The following PADI1 variants were observed in gnomAD, a reference collection of about 807,000 sequenced individuals.
The protein encoded by PADI1 is peptidyl arginine deiminase 1, also known as protein-arginine deiminase type-1.
In PADI1, 65 loss-of-function variants were observed where a neutral mutation model predicts 74.8. That is an observed-to-expected ratio of 0.87 (90% CI 0.71 to 1.07). PADI1 has a LOEUF of 1.07. Among genes scored for constraint, PADI1 ranks in the 50% least tolerant of loss-of-function variants. The pLI, the probability that PADI1 is intolerant of heterozygous loss-of-function variation, is 0.00. For synonymous variants in PADI1, 371 were observed against 336.2 expected (o/e 1.10, Z -1.13); for missense variants, 943 against 854.0 (o/e 1.10, Z -1.30).
Position 17,228,941 on chromosome 1 carries a change from C to A in PADI1, c.826-7C>A, listed in dbSNP as rs1281307599. 1.3e-6 allele frequency: 2 copies of A among 1,592,688 alleles called. No individual in the cohort carries two copies. Among genetic ancestry groups the A allele is most frequent in the South Asian group, 2.2e-5 (2 of 89,544 alleles). On this transcript the variant is annotated splice_polypyrimidine_tract_variant and splice_region_variant and intron_variant, in intron 7 of 15. Transcript: ENST00000375471. ...CAGGGCCCACCAAGTCCTCATTTTCCCCTCAGACCCTGCCCGAGGTGACCC... is the reference window on the plus strand; with the variant it reads ...CAGGGCCCACCAAGTCCTCATTTTCACCTCAGACCCTGCCCGAGGTGACCC...
chr1:17,237,930 T>C (rs1475420579), intron 12 of PADI1, among the ~76,000 whole-genome samples: 3 of 152,214 alleles, frequency 2.0e-5, no homozygotes, highest in Non-Finnish European at 4.4e-5. Context: ...TGGGAAGGCA[T>C]GGCCAGGGAG....
intron 3 of PADI1, among the ~76,000 whole-genome samples, chr1:17,224,000 GC>G (rs2072239345): frequency 6.6e-6 from 1 of 152,234 alleles, no homozygotes; most frequent in Admixed American, 6.5e-5. Flanking sequence ...CACGGAACGT[GC>G]CCCCTTCAGC....
chr1:17,244,789 CCCTT>C lies in PADI1; in HGVS notation c.*548_*551del, dbSNP rs2072851016. 3.3e-6 allele frequency: 1 copy of C among 299,900 alleles called. No individual in the cohort carries two copies. Among genetic ancestry groups the C allele is most frequent in the Non-Finnish European group, 6.6e-6 (1 of 152,574 alleles). 18.6% of individuals were successfully genotyped at this position (299,900 alleles called of 1,614,324 possible). A position where few individuals can be genotyped will look rare whatever the true frequency, so the allele number is the denominator to read the frequency against. On this transcript the variant is annotated 3_prime_UTR_variant, in exon 16 of 16. Coordinates refer to ENST00000375471, the MANE Select transcript of PADI1 (RefSeq NM_013358.3). ...CACTTACCTCCACCCCCATCCAGCACCCTTCAGCTGTGTGTGGACAAACAAGGAC... is the reference window on the plus strand; with the variant it reads ...CACTTACCTCCACCCCCATCCAGCACCAGCTGTGTGTGGACAAACAAGGAC...
intron 11 of PADI1, among the ~76,000 whole-genome samples, chr1:17,234,435 T>G (rs1447030305): frequency 6.6e-6 from 1 of 152,240 alleles, no homozygotes; most frequent in Non-Finnish European, 1.5e-5. Flanking sequence ...ATTTTTCATT[T>G]GGCCCCAGTA....
intron 1 of PADI1, among the ~76,000 whole-genome samples, chr1:17,212,437 C>T (rs1343826210): frequency 3.3e-5 from 5 of 151,772 alleles, no homozygotes; most frequent in African/African-American, 1.2e-4. Context: ...TGGCCCCCAC[C>T]CCCACCCACT....
rs959326902 is a variant in PADI1, at chr1:17,229,078, C to A, written c.929+27C>A. 4.2e-6 allele frequency: 6 copies of A among 1,422,188 alleles called. No homozygotes were observed. In the African/African-American group the frequency reaches 5.6e-5, roughly 13 times the overall value. The allele number at this position is 1,422,188 out of a possible 1,614,324, so 88.1% of individuals were successfully genotyped here. On this transcript the variant is annotated intron_variant, in intron 8 of 15. Transcript: ENST00000375471. ...TGAGGCTCCCTCCCTCCAGCCCTCC[C>A]CCAAGTCTGGAGTGCAGAGGTAGGG...
At chr1:17,224,475 CT>C in intron 4 of PADI1, 47 bp downstream of exon 4, 1 of 1,455,294 alleles carries the variant, frequency 6.9e-7, no homozygotes, top group Non-Finnish European at 9.6e-7. Flanking sequence ...GAAAGGCAAA[CT>C]TGGGGTGGTC....
At chr1:17,227,944 A>G (rs1260825577) in intron 6 of PADI1, among the ~76,000 whole-genome samples, 1 of 152,240 alleles carries the variant, frequency 6.6e-6, no homozygotes, top group Non-Finnish European at 1.5e-5. Context: ...TAGTTAGCAT[A>G]ATGTCTTCAA....
chr1:17,215,113 C>T (rs1352614418), intron 1 of PADI1, among the ~76,000 whole-genome samples: 1 of 152,166 alleles, frequency 6.6e-6, no homozygotes, highest in East Asian at 1.9e-4. Context: ...GGGCCTCAGA[C>T]CTGCATAGCA....
At chr1:17,238,510 AG>A in intron 12 of PADI1, 105 bp from the exon 13 acceptor site, 1 of 463,262 alleles carries the variant, frequency 2.2e-6, no homozygotes, top group Non-Finnish European at 3.8e-6. Flanking sequence ...CGAGTGGGAG[AG>A]GGGAGTCCCA....
At chr1:17,238,741 G>A (rs1377454254) in intron 13 of PADI1, 32 bp downstream of exon 13, 1 of 1,221,560 alleles carries the variant, frequency 8.2e-7, no homozygotes. Flanking sequence ...ACCCCTGGGG[G>A]ACCCTGCCCT....
In PADI1 at chr1:17,229,066, CT is replaced by C; in HGVS notation, c.929+16del. Reference sequence around the variant, plus strand: ...TATGTGTGCAGGTGAGGCTCCCTCCCTCCAGCCCTCCCCCAAGTCTGGAGTG... The same window carrying C: ...TATGTGTGCAGGTGAGGCTCCCTCCCCCAGCCCTCCCCCAAGTCTGGAGTG... On this transcript the variant is annotated intron_variant, in intron 8 of 15. Transcript: ENST00000375471. 6.7e-7 allele frequency: 1 copy of C among 1,481,586 alleles called. No homozygotes were observed. The highest frequency in any genetic ancestry group is 9.2e-7 in the Non-Finnish European group (1 of 1,083,756). 91.8% of individuals were successfully genotyped at this position (1,481,586 alleles called of 1,614,324 possible).
Position 17,238,625 on chromosome 1 carries a change from C to A in PADI1, c.1468C>A (p.Leu490Met). ...CCTCCCTCCGTGCCAGGGCTTCCGGCTGCTCCTGGCTAGCCCCAGCGCTTG... is the reference window on the plus strand; with the variant it reads ...CCTCCCTCCGTGCCAGGGCTTCCGGATGCTCCTGGCTAGCCCCAGCGCTTG... ...VPTSDQKGFR[L>M]LLASPSACLK... Residue 490 changes from leucine to methionine, a missense_variant, in exon 13 of 16, where the codon CTG (leucine) becomes ATG (methionine). Coordinates refer to ENST00000375471, the MANE Select transcript of PADI1 (RefSeq NM_013358.3). The A allele has an allele frequency of 6.6e-7, 1 of 1,510,962 alleles. No individual in the cohort carries two copies. Among genetic ancestry groups the A allele is most frequent in the Non-Finnish European group, 8.9e-7 (1 of 1,119,866 alleles). 93.6% of individuals were successfully genotyped at this position (1,510,962 alleles called of 1,614,324 possible). A position where few individuals can be genotyped will look rare whatever the true frequency, so the allele number is the denominator to read the frequency against.
chr1:17,223,557 A>G (rs2072221023), intron 2 of PADI1, 64 bp from the exon 3 acceptor site: 9 of 1,352,162 alleles, frequency 6.7e-6, no homozygotes, highest in Non-Finnish European at 9.5e-6. Context: ...TGTGTCCCTC[A>G]TCACCTCTGC....
intron 1 of PADI1, among the ~76,000 whole-genome samples, chr1:17,217,154 C>T (rs978757706): frequency 3.9e-5 from 6 of 152,020 alleles, no homozygotes; most frequent in African/African-American, 1.2e-4. Context: ...TGCCCGTTGC[C>T]GATGGTGCCT....
Position 17,227,784 on chromosome 1 carries a change from T to C in PADI1, c.653-841T>C, listed in dbSNP as rs1428532496. On this transcript the variant is annotated intron_variant, in intron 6 of 15. Coordinates refer to ENST00000375471, the MANE Select transcript of PADI1 (RefSeq NM_013358.3). ...TTAGGCAGAGGACTCAGCTTAAAAG[T>C]ACTTAGTGTGACACCAGGGCGTAAG... 2.0e-5 allele frequency among the ~76,000 whole-genome samples: 3 copies of C among 152,152 alleles called. No individual in the cohort carries two copies. In the South Asian group the frequency reaches 6.2e-4, roughly 31 times the overall value.
rs781378566 is a variant in PADI1 at position 17,228,691 on chromosome 1, G to A, written c.719G>A (p.Arg240Gln). 5.2e-5 allele frequency: 84 copies of A among 1,613,976 alleles called. No individual in the cohort carries two copies. Among genetic ancestry groups the A allele is most frequent in the South Asian group, 2.6e-4 (24 of 91,072 alleles). ...GPQCLSYEVE[R>Q]QPGEQEIKFY... ...CAGTGTCTGTCCTATGAAGTTGAGC[G>A]ACAGCCAGGGGAGCAGGAGATCAAG... Residue 240 changes from arginine (R) to glutamine (Q), a missense_variant, in exon 7 of 16, where the codon CGA becomes CAA. Physicochemically the swap from Arg to Gln is conservative, Grantham distance 43. Coordinates refer to ENST00000375471, the MANE Select transcript of PADI1 (RefSeq NM_013358.3).
At chr1:17,215,023 G>T (rs996565230) in intron 1 of PADI1, among the ~76,000 whole-genome samples, 1 of 152,208 alleles carries the variant, frequency 6.6e-6, no homozygotes, top group Non-Finnish European at 1.5e-5. Flanking sequence ...ACCTGGATGG[G>T]GGTGATGGGA....
At chr1:17,226,294 A>G (rs546433602) in intron 6 of PADI1, 136 bp downstream of exon 6, 2 of 927,018 alleles carry the variant, frequency 2.2e-6, no homozygotes, top group South Asian at 1.6e-5. Context: ...CATCAGTACC[A>G]AATATAGTCC....
Sources: gnomAD v4.1 joint callset for allele counts (sites outside exome capture counted in the v4.1 genomes callset) on GRCh38, gnomAD v4.1.1 for gene constraint, MANE v1.5 for transcripts, NCBI Gene and HGNC (gene_info 2026-07-23, HGNC 2026-07-21) for gene names.